PDE4D: variants seen among roughly 807,000 people sequenced by gnomAD.
The protein encoded by PDE4D is 3',5'-cyclic-AMP phosphodiesterase 4D.
Under a neutral mutation model 87.4 loss-of-function variants are expected in PDE4D, and 24 were observed. That is an observed-to-expected ratio of 0.27 (90% CI 0.20 to 0.39). The LOEUF is 0.39. Ranked by LOEUF, PDE4D falls within the 10% of genes least tolerant of loss-of-function variation. The pLI is 1.00. For missense variants in PDE4D, 714 were observed against 1,041.0 expected (o/e 0.69, Z 4.32); for synonymous variants, 384 against 383.2 (o/e 1.00, Z -0.02).
chr5:59,139,592 C>T (rs909777773), intron 5 of PDE4D, among the ~76,000 whole-genome samples: 1 of 152,064 alleles, frequency 6.6e-6, no homozygotes, highest in African/African-American at 2.4e-5. Context: ...GGCTCTGCCT[C>T]CCAAGTAGCT....
At chr5:59,218,320 A>G (rs1751718099) in intron 1 of PDE4D, among the ~76,000 whole-genome samples, 2 of 152,186 alleles carry the variant, frequency 1.3e-5, no homozygotes, top group Non-Finnish European at 1.5e-5. Flanking sequence ...AGTTTTTTTC[A>G]GTTCAACTGA....
At chr5:60,393,411 T>C (rs951679356) in intron 1 of PDE4D, among the ~76,000 whole-genome samples, 1 of 152,184 alleles carries the variant, frequency 6.6e-6, no homozygotes, top group African/African-American at 2.4e-5. Flanking sequence ...AAGTTTCTTT[T>C]TTCCTTTTTT....
chr5:59,493,357 C>G (rs889742979), intron 1 of PDE4D, among the ~76,000 whole-genome samples: 3 of 152,110 alleles, frequency 2.0e-5, no homozygotes, highest in African/African-American at 7.2e-5. Context: ...TACGTAAATG[C>G]CTTGCAATAA....
chr5:60,462,641 C>T (rs1747042888), intron 1 of PDE4D, among the ~76,000 whole-genome samples: 1 of 152,158 alleles, frequency 6.6e-6, no homozygotes, highest in Admixed American at 6.5e-5. Flanking sequence ...AGATGGGACA[C>T]CAGCTCAACA....
Position 58,976,475 on chromosome 5 carries a change from T to G in PDE4D, c.1708-3A>C. ...TTTGACATATCTGTTGCAAGTACCTTAAAATATAGAGTATATTATTAAGTT... is the reference window on the plus strand; with the variant it reads ...TTTGACATATCTGTTGCAAGTACCTGAAAATATAGAGTATATTATTAAGTT... On this transcript the variant is annotated splice_polypyrimidine_tract_variant and splice_region_variant and intron_variant, in intron 12 of 14. Transcript: ENST00000340635. 1 of 1,548,722 alleles carries G rather than the reference T, an allele frequency of 6.5e-7. No homozygotes were observed. Among genetic ancestry groups the G allele is most frequent in the Non-Finnish European group, 8.8e-7 (1 of 1,140,480 alleles).
intron 5 of PDE4D, among the ~76,000 whole-genome samples, chr5:59,129,637 C>T (rs1161867579): frequency 6.6e-6 from 1 of 152,140 alleles, no homozygotes; most frequent in Non-Finnish European, 1.5e-5. Flanking sequence ...TTTTCCCTAT[C>T]CCCAATAGTT....
intron 2 of PDE4D, among the ~76,000 whole-genome samples, chr5:60,000,576 G>A (rs1763928661): frequency 6.6e-6 from 1 of 152,162 alleles, no homozygotes; most frequent in African/African-American, 2.4e-5. Context: ...GCTAAAAGGA[G>A]TCCTTTGAGT....
intron 1 of PDE4D, among the ~76,000 whole-genome samples, chr5:59,606,422 G>A (rs1375629979): frequency 6.6e-6 from 1 of 152,068 alleles, no homozygotes; most frequent in Admixed American, 6.6e-5. Context: ...ACTTAGACAA[G>A]TTATTTCCTT....
chr5:60,368,414 G>A (rs529688544), intron 1 of PDE4D, among the ~76,000 whole-genome samples: 1 of 152,300 alleles, frequency 6.6e-6, no homozygotes, highest in Non-Finnish European at 1.5e-5. Context: ...GGGCAGGGAG[G>A]TTGGCAGGAT....
At chr5:59,408,126 C>T (rs1037218526) in intron 1 of PDE4D, among the ~76,000 whole-genome samples, 4 of 152,204 alleles carry the variant, frequency 2.6e-5, no homozygotes, top group African/African-American at 9.7e-5. Context: ...TTCTAGGCAG[C>T]TCCTCCCACC....
At chr5:59,471,726 T>A (rs1028258467) in intron 1 of PDE4D, among the ~76,000 whole-genome samples, 1 of 152,188 alleles carries the variant, frequency 6.6e-6, no homozygotes, top group Non-Finnish European at 1.5e-5. Context: ...GCCTGAAGAA[T>A]ATAAAGTGTC....
intron 1 of PDE4D, among the ~76,000 whole-genome samples, chr5:60,209,736 G>A (rs1742970930): frequency 6.6e-6 from 1 of 151,852 alleles, no homozygotes; most frequent in Non-Finnish European, 1.5e-5. Context: ...GGGAGAAAGA[G>A]GGAGGGGGAG....
rs1759073839 is a variant in PDE4D, at chr5:59,038,979, G to C, written c.809-8C>G. ...GTTTCTGGTAGGCCTCCTCTGCGAA[G>C]AGACAGGGAAAGGGGGACTCAGTTC... On this transcript the variant is annotated splice_polypyrimidine_tract_variant and splice_region_variant and intron_variant, in intron 5 of 14. Coordinates refer to ENST00000340635, the MANE Select transcript of PDE4D (RefSeq NM_001104631.2). The C allele has an allele frequency of 4.5e-6, 7 of 1,570,558 alleles. No homozygotes were observed. The highest frequency in any genetic ancestry group is 1.4e-5 in the African/African-American group (1 of 73,824).
rs564614287 is a variant in PDE4D, at chr5:59,980,920, G to T, written c.272+7568C>A. Among the ~76,000 whole-genome samples, 5 of 152,252 alleles carry T rather than the reference G, an allele frequency of 3.3e-5. No individual in the cohort carries two copies. In the East Asian group the frequency reaches 5.8e-4, roughly 18 times the overall value. On this transcript the variant is annotated intron_variant, in intron 3 of 16. Transcript: ENST00000502484. ...GATTTTTATCCAGATATTTTAAAGT[G>T]CTCCATCACTCTTAGAATCTAATTT...
intron 1 of PDE4D, among the ~76,000 whole-genome samples, chr5:59,518,328 C>A (rs1203531785): frequency 6.6e-6 from 1 of 151,832 alleles, no homozygotes; most frequent in Non-Finnish European, 1.5e-5. Context: ...AAATAAAGCA[C>A]GCTCGAGTAT....
intron 11 of PDE4D, among the ~76,000 whole-genome samples, chr5:58,977,793 C>G (rs927347666): frequency 6.6e-6 from 1 of 152,130 alleles, no homozygotes; most frequent in African/African-American, 2.4e-5. Flanking sequence ...AAAGAGGGTA[C>G]AAGAACAATA....
At chr5:59,018,232 A>G (rs1286115675) in intron 6 of PDE4D, among the ~76,000 whole-genome samples, 1 of 152,252 alleles carries the variant, frequency 6.6e-6, no homozygotes, top group Non-Finnish European at 1.5e-5. Flanking sequence ...AGAATCACGG[A>G]TACTGGCTGA....
chr5:59,771,437 G>A (rs201403274), intron 1 of PDE4D, among the ~76,000 whole-genome samples: 8,008 of 78,420 alleles, frequency 0.1, 400 homozygotes, highest in Non-Finnish European at 0.14. Context: ...AAAAGAAAAA[G>A]AAAGAAAGAA....
chr5:59,817,742 A>AC (rs567130519), intron 1 of PDE4D, among the ~76,000 whole-genome samples: 6,151 of 121,952 alleles, frequency 0.05, 484 homozygotes, highest in Middle Eastern at 0.089. Flanking sequence ...ACACACCCAC[A>AC]CCCCCCCCCA....
Sources: allele counts gnomAD v4.1 joint callset (sites outside exome capture counted in the v4.1 genomes callset), GRCh38; gene constraint gnomAD v4.1.1; transcripts MANE v1.5; gene names NCBI Gene and HGNC (gene_info 2026-07-23, HGNC 2026-07-21).